ARHGEF16: variants seen among roughly 807,000 people sequenced by gnomAD.
ARHGEF16 encodes Rho guanine exchange factor (GEF) 16.
In ARHGEF16, 59 loss-of-function variants were observed where a neutral mutation model predicts 74.1. That is an observed-to-expected ratio of 0.80 (90% confidence interval 0.65 to 0.99). ARHGEF16 has a LOEUF of 0.99. ARHGEF16 is among the 50% of genes least tolerant of loss of function. The pLI, the probability that ARHGEF16 is intolerant of heterozygous loss-of-function variation, is 0.00. For synonymous variants in ARHGEF16, 415 were observed against 412.6 expected, an observed-to-expected ratio of 1.01 and a Z score of -0.07; for missense variants, 948 against 986.6, an observed-to-expected ratio of 0.96 and a Z score of 0.52.
intron 5 of ARHGEF16, 36 bp from the exon 6 acceptor site, chr1:3,469,397 C>T (rs1212609757): frequency 3.7e-6 from 6 of 1,608,312 alleles, no homozygotes; most frequent in South Asian, 1.1e-5. Flanking sequence ...CCGTGTCCAG[C>T]GTCACTGTGG....
rs879363578 is a variant in ARHGEF16 at position 3,477,209 on chromosome 1, G to C, written c.1474-666G>C. 4.6e-5 allele frequency among the ~76,000 whole-genome samples: 4 copies of C among 86,672 alleles called. No homozygotes were observed. The East Asian group carries it at 1.4e-3, about 31-fold the overall frequency. The allele number at this position is 86,672 out of a possible 152,430, so 56.9% of individuals were successfully genotyped here. A position where few individuals can be genotyped will look rare whatever the true frequency, so the allele number is the denominator to read the frequency against. Reference sequence around the variant, plus strand: ...AGCAGGTGAGGAGGTGTCAACAGTCGCTGAGGAGCGGGAGCTGGTGGGCAG... The same window carrying C: ...AGCAGGTGAGGAGGTGTCAACAGTCCCTGAGGAGCGGGAGCTGGTGGGCAG... On this transcript the variant is annotated intron_variant, in intron 10 of 14. Coordinates refer to ENST00000378378, the MANE Select transcript of ARHGEF16 (RefSeq NM_014448.4).
chr1:3,474,545 C>T, intron 8 of ARHGEF16, 163 bp from the exon 9 acceptor site: 1 of 638,954 alleles, frequency 1.6e-6, no homozygotes, highest in Non-Finnish European at 2.8e-6. Context: ...CCAGGTGGTG[C>T]AGAGGCCGTT....
intron 11 of ARHGEF16, 183 bp from the exon 12 acceptor site, chr1:3,478,241 G>C: frequency 1.1e-6 from 1 of 911,840 alleles, no homozygotes; most frequent in Non-Finnish European, 1.7e-6. Flanking sequence ...GTCTGCCGGT[G>C]ATAGCCACGA....
chr1:3,477,227 G>C (rs1311011663), intron 10 of ARHGEF16, among the ~76,000 whole-genome samples: 2 of 41,516 alleles, frequency 4.8e-5, no homozygotes, highest in Non-Finnish European at 9.4e-5. Flanking sequence ...GCGGGAGCTG[G>C]TGGGCAGGCT....
rs922726742 is a variant in ARHGEF16 at position 3,466,026 on chromosome 1, C to T, written c.589-122C>T. 45 of 1,086,934 alleles carry T rather than the reference C, an allele frequency of 4.1e-5. No homozygotes were observed. In the African/African-American group the frequency reaches 6.6e-4, roughly 16 times the overall value. The allele number at this position is 1,086,934 out of a possible 1,614,324, so 67.3% of individuals were successfully genotyped here. A position where few individuals can be genotyped will look rare whatever the true frequency, so the allele number is the denominator to read the frequency against. ...CGGCCGTGAGGCCCTGTGGAGCTGACATCTATTGGGCACAGCTTCGCATGT... is the reference window on the plus strand; with the variant it reads ...CGGCCGTGAGGCCCTGTGGAGCTGATATCTATTGGGCACAGCTTCGCATGT... On this transcript the variant is annotated intron_variant, in intron 2 of 14. Coordinates refer to ENST00000378378, the MANE Select transcript of ARHGEF16 (RefSeq NM_014448.4).
rs750003908 is a variant in ARHGEF16, at chr1:3,467,229, C to A, written c.696C>A (p.Asp232Glu). 2 of 1,550,596 alleles carry A rather than the reference C, an allele frequency of 1.3e-6. No individual in the cohort carries two copies. The highest frequency in any genetic ancestry group is 4.9e-5 in the East Asian group (2 of 40,912). Residue 232 changes from aspartate (D) to glutamate (E), a missense_variant, in exon 4 of 15, where the codon GAC becomes GAA. Transcript: ENST00000378378. ...RGLNTSQESD[D>E]DILDESSSPE... ...TGAACACCAGCCAGGAGTCTGATGA[C>A]GACATCCTCGATGAGTCCTCCAGCC...
chr1:3,462,917 G>A (rs1012399670), intron 1 of ARHGEF16, 149 bp from the exon 2 acceptor site: 12 of 524,894 alleles, frequency 2.3e-5, no homozygotes, highest in Non-Finnish European at 3.6e-5. Flanking sequence ...GATCCACTGT[G>A]CTCCTGGCTG....
intron 6 of ARHGEF16, among the ~76,000 whole-genome samples, chr1:3,470,012 T>C (rs1381571093): frequency 6.6e-6 from 1 of 152,214 alleles, no homozygotes; most frequent in Non-Finnish European, 1.5e-5. Flanking sequence ...GTCTGGTGGC[T>C]GGACCTGAGC....
At chr1:3,471,769 C>G (rs1294022268) in intron 6 of ARHGEF16, 1 of 1,147,902 alleles carries the variant, frequency 8.7e-7, no homozygotes, top group Non-Finnish European at 1.1e-6. Context: ...AGTGAACTGT[C>G]TGGGGAATCA....
intron 9 of ARHGEF16, among the ~76,000 whole-genome samples, chr1:3,475,721 A>G (rs1048012174): frequency 7.0e-6 from 1 of 143,530 alleles, no homozygotes; most frequent in African/African-American, 2.5e-5. Context: ...CAGCGCTGAC[A>G]GGGAAACTGA....
chr1:3,457,215 G>A (rs1639284258), intron 1 of ARHGEF16, among the ~76,000 whole-genome samples: 1 of 152,262 alleles, frequency 6.6e-6, no homozygotes, highest in South Asian at 2.1e-4. Context: ...TCCGAAGTTT[G>A]ACGGGCAGAA....
rs1363293205 is a variant in ARHGEF16 at position 3,478,459 on chromosome 1, T to A, written c.1661T>A (p.Met554Lys). The A allele has an allele frequency of 1.2e-6, 2 of 1,611,860 alleles. No individual in the cohort carries two copies. Among genetic ancestry groups the A allele is most frequent in the Admixed American group, 1.7e-5 (1 of 59,966 alleles). The change falls in exon 12 of 15, where the codon ATG (methionine) becomes AAG (lysine). Residue 554 changes from methionine (M) to lysine (K), a missense_variant. Transcript: ENST00000378378. ...TACATGGTCCAGGACTACGCCCAGA[T>A]GAACCACATCCAGGTGGAGAAGATA... is the stretch of plus-strand genomic sequence containing the variant. The part of the protein sequence containing the change: ...ESYMVQDYAQ[M>K]NHIQVEKIEP...
rs188097519 is a variant in ARHGEF16 at position 3,458,598 on chromosome 1, T to C, written c.-20+3787T>C. On this transcript the variant is annotated intron_variant, in intron 1 of 14. Transcript: ENST00000378378. ...CCCGGTCAGACACCTGTGCTCAGGG[T>C]GTGTGCACTTGGACCTCCCGCCATC... Among the ~76,000 whole-genome samples, 61 of 152,250 alleles carry C rather than the reference T, an allele frequency of 4.0e-4. 1 individual carries two copies. In the East Asian group the frequency reaches 0.012, roughly 29 times the overall value.
At position 3,473,212 on chromosome 1, in the gene ARHGEF16, G is replaced by A. The variant is rs760848608; in HGVS notation, c.1157G>A (p.Arg386His). Residue 386 changes from arginine to histidine, a missense_variant, in exon 7 of 15, where the codon CGC becomes CAC. Transcript: ENST00000378378. ...AYCSNEVYQQRTLQKLISSNA... is the reference protein window; with the variant it reads ...AYCSNEVYQQHTLQKLISSNA... The stretch of plus-strand genomic sequence containing the variant: ...TGCTCCAACGAGGTCTACCAACAGC[G>A]CACGCTGCAGAAGCTGATGTGAGTG... 1.7e-5 allele frequency: 27 copies of A among 1,613,046 alleles called. No homozygotes were observed. The highest frequency in any genetic ancestry group is 1.2e-4 in the Admixed American group (7 of 59,992).
chr1:3,472,543 G>A (rs886766107), intron 6 of ARHGEF16, among the ~76,000 whole-genome samples: 2 of 152,212 alleles, frequency 1.3e-5, no homozygotes, highest in East Asian at 1.9e-4. Flanking sequence ...GAGCTGCCTC[G>A]GATTTGGGAC....
At position 3,477,961 on chromosome 1, in the gene ARHGEF16, T is replaced by G. The variant is rs1449554526; in HGVS notation, c.1560T>G (p.Ile520Met). Residue 520 changes from isoleucine (I) to methionine (M), a missense_variant, in exon 11 of 15, where the codon ATT becomes ATG. Physicochemically the swap from Ile to Met is conservative, Grantham distance 10. Coordinates refer to ENST00000378378, the MANE Select transcript of ARHGEF16 (RefSeq NM_014448.4). ...LVEETGLFRK[I>M]ASRPTCYLFL... The stretch of plus-strand genomic sequence containing the variant: ...AAGAAACCGGACTTTTTCGAAAAAT[T>G]GCCAGCCGGCCAACGTGCTACCTTT... The G allele has an allele frequency of 1.9e-6, 3 of 1,612,558 alleles. No homozygotes were observed. The African/African-American group carries it at 4.0e-5, about 22-fold the overall frequency.
intron 2 of ARHGEF16, among the ~76,000 whole-genome samples, chr1:3,464,595 CCTT>C (rs1391898631): frequency 3.3e-5 from 5 of 152,178 alleles, no homozygotes; most frequent in Admixed American, 2.0e-4. Context: ...CCAGGGGCGT[CCTT>C]CTTGTTGGGC....
chr1:3,477,851 C>T (rs773469357), intron 10 of ARHGEF16, 24 bp from the exon 11 acceptor site: 62 of 1,611,250 alleles, frequency 3.8e-5, no homozygotes, highest in Non-Finnish European at 4.9e-5. Flanking sequence ...CACTGATCTC[C>T]GCCTCCCGGC....
intron 5 of ARHGEF16, 67 bp downstream of exon 5, chr1:3,469,003 A>C: frequency 6.5e-7 from 1 of 1,533,310 alleles, no homozygotes; most frequent in Non-Finnish European, 8.8e-7. Flanking sequence ...GGGGAGGGGC[A>C]GCAGCCACGG....
Sources: allele counts gnomAD v4.1 joint callset (sites outside exome capture counted in the v4.1 genomes callset), GRCh38; gene constraint gnomAD v4.1.1; transcripts MANE v1.5; gene names NCBI Gene and HGNC (gene_info 2026-07-23, HGNC 2026-07-21).